ZNF75D: variants seen among roughly 807,000 people sequenced by gnomAD.
ZNF75D encodes the protein zinc finger protein 75.
A neutral mutation model predicts 33.3 loss-of-function variants in ZNF75D; 33 were observed. The observed-to-expected ratio is 0.99, with a 90% CI of 0.75 to 1.32. The LOEUF (loss-of-function observed/expected upper bound fraction) is 1.32, where lower values mean the gene tolerates loss of function less well. Among genes scored for constraint, ZNF75D ranks in the 40% most tolerant of loss-of-function variants. ZNF75D has a pLI of 0.00. For missense variants in ZNF75D, 338 were observed against 367.5 expected (o/e 0.92, Z 0.66); for synonymous variants, 113 against 130.6 (o/e 0.87, Z 0.92).
At chrX:135,275,418 T>C (rs1255818669) in intron 1 of ZNF75D, among the ~76,000 whole-genome samples, 2 of 111,551 alleles carry the variant, frequency 1.8e-5, no homozygotes, top group African/African-American at 6.5e-5. Flanking sequence ...TTGCACAGGA[T>C]GTATGATGAT....
rs182921580 is a variant in ZNF75D, at chrX:135,318,488, G to A, written c.-390-22449C>T. On this transcript the variant is annotated intron_variant, in intron 1 of 6. Transcript: ENST00000370766. Reference sequence around the variant, plus strand: ...ATTTGGCAAAGTAAGAACAAGTTTGGTGTATTTCATTTCGGAACTTAGATG... The same window carrying A: ...ATTTGGCAAAGTAAGAACAAGTTTGATGTATTTCATTTCGGAACTTAGATG... 5.1e-3 allele frequency among the ~76,000 whole-genome samples: 570 copies of A among 111,299 alleles called. 1 individual carries two copies. The highest frequency in any genetic ancestry group is 7.2e-3 in the Non-Finnish European group (380 of 53,089).
At chrX:135,314,287 T>C (rs1462687254) in intron 1 of ZNF75D, among the ~76,000 whole-genome samples, 1 of 112,298 alleles carries the variant, frequency 8.9e-6, no homozygotes, top group Non-Finnish European at 1.9e-5. Flanking sequence ...ATATGATGTA[T>C]CACATTTATT....
At chrX:135,341,568 A>G (rs1004020368) in intron 1 of ZNF75D, among the ~76,000 whole-genome samples, 200 bp downstream of exon 1, 1 of 112,232 alleles carries the variant, frequency 8.9e-6, no homozygotes, top group Non-Finnish European at 1.9e-5. Context: ...ATACTCAGCA[A>G]CTGACAGAAT....
intron 6 of ZNF75D, among the ~76,000 whole-genome samples, chrX:135,288,085 G>C (rs1274753086): frequency 9.0e-6 from 1 of 111,062 alleles, no homozygotes; most frequent in Non-Finnish European, 1.9e-5. Flanking sequence ...GTAAGAAAAA[G>C]ACAAACTGGT....
downstream of ZNF75D, among the ~76,000 whole-genome samples, chrX:135,283,238 A>C (rs1315197956): frequency 8.9e-6 from 1 of 111,755 alleles, no homozygotes; most frequent in Non-Finnish European, 1.9e-5. Flanking sequence ...GGTCCTTGAG[A>C]GTTTCCCTGG....
chrX:135,282,062 C>T (rs185828420), downstream of ZNF75D, among the ~76,000 whole-genome samples: 15 of 112,503 alleles, frequency 1.3e-4, no homozygotes, highest in South Asian at 3.7e-4. Context: ...TAGGCAGGAA[C>T]GCTTAAGGCT....
chrX:135,310,147 T>C (rs1264208943), intron 1 of ZNF75D, among the ~76,000 whole-genome samples: 2 of 112,131 alleles, frequency 1.8e-5, no homozygotes, highest in Non-Finnish European at 3.8e-5. Context: ...TCATTGCAGA[T>C]GTCATGTCCA....
At chrX:135,270,092 C>T (rs781946254) in intron 1 of ZNF75D, among the ~76,000 whole-genome samples, 19 of 108,367 alleles carry the variant, frequency 1.8e-4, no homozygotes, top group African/African-American at 5.7e-4. Flanking sequence ...TTGCCAGAGG[C>T]TAGGAAATAC....
downstream of ZNF75D, among the ~76,000 whole-genome samples, chrX:135,283,658 G>A (rs1320548370): frequency 8.9e-6 from 1 of 111,802 alleles, no homozygotes; most frequent in Non-Finnish European, 1.9e-5. Flanking sequence ...CTGTCTTTGG[G>A]CCCCTCCTCC....
chrX:135,308,498 C>A (rs1223271395), intron 1 of ZNF75D, among the ~76,000 whole-genome samples: 1 of 112,077 alleles, frequency 8.9e-6, no homozygotes, highest in Non-Finnish European at 1.9e-5. Context: ...CAAACTGATA[C>A]AGAGAAACTA....
At chrX:135,301,429 G>C (rs1436198725) in intron 1 of ZNF75D, among the ~76,000 whole-genome samples, 2 of 111,017 alleles carry the variant, frequency 1.8e-5, no homozygotes, top group African/African-American at 6.6e-5. Context: ...ATTCATTCCG[G>C]CATTAACTCA....
rs782434674 is a variant in ZNF75D, at chrX:135,294,125, G to C, written c.16C>G (p.Leu6Val). Residue 6 changes from leucine to valine, a missense_variant, in exon 3 of 7, where the codon CTG becomes GTG. Around this residue, in one of 3 missense-constraint regions of ZNF75D, gnomAD observed 254 missense variants for 267.7 expected, o/e 0.95. Coordinates refer to ENST00000370766, the MANE Select transcript of ZNF75D (RefSeq NM_007131.5). ...GGGCTTGAGCATGAATCCGCGTTCA[G>C]CTCTCTCATCGCCATTTGCTCTAGG... is the stretch of plus-strand genomic sequence containing the variant. MAMRE[L>V]NADSCSSPQM... is the part of the protein sequence containing the mutation. 5 of 1,191,395 alleles carry C rather than the reference G, an allele frequency of 4.2e-6. No individual in the cohort carries two copies. Among genetic ancestry groups the C allele is most frequent in the Non-Finnish European group, 5.6e-6 (5 of 886,334 alleles).
downstream of ZNF75D, among the ~76,000 whole-genome samples, chrX:135,283,156 T>C (rs995200623): frequency 8.9e-6 from 1 of 111,767 alleles, no homozygotes; most frequent in Non-Finnish European, 1.9e-5. Flanking sequence ...TGTCCAGATC[T>C]AAGAGTGATA....
chrX:135,318,925 A>C (rs1261309646), intron 1 of ZNF75D, among the ~76,000 whole-genome samples: 3 of 112,249 alleles, frequency 2.7e-5, no homozygotes. Flanking sequence ...TTACATCTGT[A>C]ATGTGGGTTG....
chrX:135,305,272 C>A (rs782410031), intron 1 of ZNF75D, among the ~76,000 whole-genome samples: 1 of 111,620 alleles, frequency 9.0e-6, no homozygotes, highest in Non-Finnish European at 1.9e-5. Flanking sequence ...TCTCACAACA[C>A]CCCTACCAGT....
chrX:135,297,274 T>A (rs2084145148), intron 1 of ZNF75D: 1 of 112,069 alleles, frequency 8.9e-6, no homozygotes, highest in African/African-American at 3.2e-5. Flanking sequence ...TAAGTTAAAG[T>A]CAATCATCAT....
chrX:135,292,373 A>G lies in ZNF75D; in HGVS notation c.512T>C (p.Val171Ala). 8.3e-7 allele frequency: 1 copy of G among 1,211,579 alleles called. No individual in the cohort carries two copies. Among genetic ancestry groups the G allele is most frequent in the Non-Finnish European group, 1.1e-6 (1 of 895,333 alleles). ...WKPAEPQPMG[V>A]FQKEYWNTYR... is the part of the protein sequence containing the mutation. Reference sequence around the variant, plus strand: ...TGTATTCCAATATTCTTTCTGGAACACACCCATTGGTTGGGGCTCTGCTGG... The same window carrying G: ...TGTATTCCAATATTCTTTCTGGAACGCACCCATTGGTTGGGGCTCTGCTGG... The change falls in exon 4 of 7, where the codon GTG becomes GCG. Residue 171 changes from valine (V) to alanine (A), a missense_variant. Transcript: ENST00000370766.
intron 1 of ZNF75D, among the ~76,000 whole-genome samples, chrX:135,305,262 T>C (rs1455630850): frequency 9.0e-6 from 1 of 111,442 alleles, no homozygotes; most frequent in Non-Finnish European, 1.9e-5. Context: ...TCCTTCTAAA[T>C]CTCACAACAC....
intron 1 of ZNF75D, among the ~76,000 whole-genome samples, chrX:135,298,913 C>T (rs1309750821): frequency 9.0e-6 from 1 of 111,482 alleles, no homozygotes; most frequent in Non-Finnish European, 1.9e-5. Context: ...CCCTTTTTTC[C>T]TTAAGCATAA....
Sources: allele counts gnomAD v4.1 joint callset (sites outside exome capture counted in the v4.1 genomes callset), GRCh38; gene constraint gnomAD v4.1.1; regional missense constraint gnomAD v4.1.1; transcripts MANE v1.5; gene names NCBI Gene and HGNC (gene_info 2026-07-23, HGNC 2026-07-21).